LMLN: variants seen among roughly 807,000 people sequenced by gnomAD.
LMLN encodes the protein leishmanolysin like peptidase.
A neutral mutation model predicts 92.3 loss-of-function variants in LMLN; 70 were observed. That is an observed-to-expected ratio of 0.76 (90% CI 0.63 to 0.92). LMLN has a LOEUF of 0.92. LMLN is among the 40% of genes least tolerant of loss of function. LMLN has a pLI of 0.00. For missense variants in LMLN, 691 were observed against 814.6 expected (o/e 0.85, Z 1.85); for synonymous variants, 308 against 296.2 (o/e 1.04, Z -0.41).
At chr3:197,991,089 T>A (rs1560141943) in intron 9 of LMLN, among the ~76,000 whole-genome samples, 3 of 151,082 alleles carry the variant, frequency 2.0e-5, no homozygotes, top group Non-Finnish European at 2.9e-5. Flanking sequence ...AGATTTCTTT[T>A]TTTCTTTTAT....
chr3:198,041,903 T>C (rs1723416408), exon 16 of LMLN: 1 of 152,192 alleles, frequency 6.6e-6, no homozygotes, highest in Non-Finnish European at 1.5e-5. Context: ...CTTTTTATAC[T>C]TGAAATATAT....
intron 1 of LMLN, among the ~76,000 whole-genome samples, chr3:197,973,273 G>C (rs1352445086): frequency 6.8e-6 from 1 of 146,094 alleles, no homozygotes; most frequent in Non-Finnish European, 1.5e-5. Flanking sequence ...ACGGAGTCTT[G>C]CTCTGTTGCC....
Position 197,967,971 on chromosome 3 carries a change from A to G in LMLN, c.220-6406A>G, listed in dbSNP as rs540333499. 7.9e-5 allele frequency among the ~76,000 whole-genome samples: 12 copies of G among 152,304 alleles called. No homozygotes were observed. The South Asian group carries it at 2.3e-3, about 29-fold the overall frequency. On this transcript the variant is annotated intron_variant, in intron 1 of 15. Transcript: ENST00000330198. ...CCAACTCCTTAGGCAGTCACACCTTATGGTTGTCTTCCCTTGTTCCCTAAA... is the reference window on the plus strand; with the variant it reads ...CCAACTCCTTAGGCAGTCACACCTTGTGGTTGTCTTCCCTTGTTCCCTAAA...
At chr3:198,014,965 A>C (rs1722581631) in intron 11 of LMLN, among the ~76,000 whole-genome samples, 3 of 133,428 alleles carry the variant, frequency 2.2e-5, no homozygotes, top group African/African-American at 5.9e-5. Context: ...CCCCCTAACT[A>C]GTCTGACTTC....
rs1174988716 is a variant in LMLN, at chr3:198,025,465, G to A, written c.1656+677G>A. Among the ~76,000 whole-genome samples, 1 of 151,940 alleles carries A rather than the reference G, an allele frequency of 6.6e-6. No individual in the cohort carries two copies. Among genetic ancestry groups the A allele is most frequent in the East Asian group, 1.9e-4 (1 of 5,186 alleles). On this transcript the variant is annotated intron_variant, in intron 14 of 15. Transcript: ENST00000330198. The surrounding 1 kb of genome is among the most constrained non-coding windows in gnomAD (Gnocchi z 4.3). ...CGGCTCATTATATCCTCTACCTCCT[G>A]GGTTCAAGCGACCTTCCCACCTCAG...
intron 6 of LMLN, among the ~76,000 whole-genome samples, chr3:197,982,910 G>T (rs1310717894): frequency 6.6e-6 from 1 of 152,230 alleles, no homozygotes; most frequent in Non-Finnish European, 1.5e-5. Context: ...CAGAAGCCAT[G>T]TACACCTGTT....
chr3:198,005,887 C>T (rs147817036), intron 11 of LMLN, among the ~76,000 whole-genome samples: 6,224 of 152,074 alleles, frequency 0.041, 189 homozygotes, highest in East Asian at 0.097. Flanking sequence ...GAGGCCGAGG[C>T]GGGTGGGTCA....
exon 16 of LMLN, chr3:198,039,591 C>G (rs1723341418): frequency 6.6e-6 from 1 of 151,044 alleles, no homozygotes; most frequent in African/African-American, 2.4e-5. Context: ...AGAGTTAGAC[C>G]CTGTATCTTA....
chr3:198,034,300 GGTTT>G (rs1423681178), intron 14 of LMLN, among the ~76,000 whole-genome samples: 20 of 152,182 alleles, frequency 1.3e-4, no homozygotes, highest in African/African-American at 2.4e-5. Flanking sequence ...ACAACTTTGA[GGTTT>G]TTTTTAAAAT....
intron 8 of LMLN, among the ~76,000 whole-genome samples, chr3:197,987,851 T>C (rs1721755974): frequency 6.6e-6 from 1 of 152,214 alleles, no homozygotes; most frequent in South Asian, 2.1e-4. Flanking sequence ...TAGATCTTTT[T>C]TATTTTTAAG....
At chr3:198,035,019 A>G (rs1723173522) in intron 14 of LMLN, among the ~76,000 whole-genome samples, 1 of 151,954 alleles carries the variant, frequency 6.6e-6, no homozygotes, top group African/African-American at 2.4e-5. Flanking sequence ...ACATGACAAA[A>G]CCCAAACCCC....
chr3:198,024,877 T>C (rs1308675000), intron 14 of LMLN, 89 bp downstream of exon 15: 1 of 1,081,044 alleles, frequency 9.3e-7, no homozygotes, highest in Non-Finnish European at 1.3e-6. Flanking sequence ...TTTTCATATT[T>C]TATGTCATTA....
rs1723072118 is a variant in LMLN, at chr3:198,031,251, A to AAGAT, written c.1657-4580_1657-4577dup. ...GTAAAATGTATGCGGAGGCTAAAGGAAGATAAGAATTATTTTAAGAAGGTC... is the reference window on the plus strand; with the variant it reads ...GTAAAATGTATGCGGAGGCTAAAGGAAGATAGATAAGAATTATTTTAAGAAGGTC... On this transcript the variant is annotated intron_variant, in intron 14 of 15. Transcript: ENST00000330198. This position sits in a 1 kb window ranked among gnomAD's most constrained non-coding sequence, Gnocchi z 4.8. Among the ~76,000 whole-genome samples, 1 of 152,202 alleles carries AAGAT rather than the reference A, an allele frequency of 6.6e-6. No individual in the cohort carries two copies. The highest frequency in any genetic ancestry group is 2.4e-5 in the African/African-American group (1 of 41,458).
chr3:198,038,122 G>T (rs566429397), intron 15 of LMLN, among the ~76,000 whole-genome samples: 1 of 152,160 alleles, frequency 6.6e-6, no homozygotes, highest in East Asian at 1.9e-4. Flanking sequence ...CCTCTCCCTT[G>T]CATCCTCACA....
At position 197,996,170 on chromosome 3, in the gene LMLN, C is replaced by T. The variant is rs764902326; in HGVS notation, c.1048-5C>T. The T allele has an allele frequency of 5.9e-6, 9 of 1,527,616 alleles. No individual in the cohort carries two copies. Among genetic ancestry groups the T allele is most frequent in the Admixed American group, 4.4e-5 (2 of 45,602 alleles). 94.6% of individuals were successfully genotyped at this position (1,527,616 alleles called of 1,614,324 possible). ...TTTGTTTCTGATTTTTTTTCTGGTTCTTAGGAGGAAGCACGAAAACATTTT... is the reference window on the plus strand; with the variant it reads ...TTTGTTTCTGATTTTTTTTCTGGTTTTTAGGAGGAAGCACGAAAACATTTT... On this transcript the variant is annotated splice_region_variant and splice_polypyrimidine_tract_variant and intron_variant, in intron 9 of 15. Coordinates refer to ENST00000330198, the Ensembl canonical transcript of LMLN.
intron 7 of LMLN, 100 bp downstream of exon 7, chr3:197,984,148 C>T (rs1461397087): frequency 5.6e-6 from 4 of 719,792 alleles, no homozygotes; most frequent in African/African-American, 1.8e-5. Context: ...GATGTGGATT[C>T]CTAGACTCAT....
intron 11 of LMLN, 139 bp downstream of exon 12, chr3:198,003,264 A>G (rs1172511036): frequency 1.3e-5 from 7 of 542,948 alleles, no homozygotes; most frequent in South Asian, 8.2e-5. Flanking sequence ...CCATCTATAG[A>G]TGGTTGGTAA....
chr3:197,964,975 C>A (rs1721010781), intron 1 of LMLN, among the ~76,000 whole-genome samples: 1 of 151,088 alleles, frequency 6.6e-6, no homozygotes, highest in Non-Finnish European at 1.5e-5. Context: ...CCACTGCATT[C>A]CAGCCTGGGC....
chr3:197,963,904 C>CG (rs1720976609), intron 1 of LMLN, among the ~76,000 whole-genome samples: 1 of 152,168 alleles, frequency 6.6e-6, no homozygotes, highest in Non-Finnish European at 1.5e-5. Context: ...GTTAACTTTA[C>CG]ATTTTTTTGT....
Sources: allele counts gnomAD v4.1 joint callset (sites outside exome capture counted in the v4.1 genomes callset), GRCh38; gene constraint gnomAD v4.1.1; non-coding constraint Gnocchi (gnomAD v3.1); transcripts MANE v1.5; gene names NCBI Gene and HGNC (gene_info 2026-07-23, HGNC 2026-07-21).